ANK3: variants seen among roughly 807,000 people sequenced by gnomAD.
The protein encoded by ANK3 is ankyrin 3, also known as ankyrin-3.
Under a neutral mutation model 370.9 loss-of-function variants are expected in ANK3, and 57 were observed. The observed-to-expected ratio is 0.15, with a 90% confidence interval of 0.12 to 0.19. The LOEUF (loss-of-function observed/expected upper bound fraction) is 0.19. ANK3 is among the 10% of genes least tolerant of loss of function. The pLI, the probability that ANK3 is intolerant of heterozygous loss-of-function variation, is 1.00. For synonymous variants in ANK3, 1,929 were observed against 1,946.3 expected (o/e 0.99, Z 0.23); for missense variants, 4,439 against 5,302.1 (o/e 0.84, Z 5.06).
At chr10:60,256,108 C>G (rs2097730931) in intron 7 of ANK3, among the ~76,000 whole-genome samples, 1 of 152,238 alleles carries the variant, frequency 6.6e-6, no homozygotes, top group Non-Finnish European at 1.5e-5. Flanking sequence ...TTTCTGCTTT[C>G]AACTCCTTTC....
chr10:60,231,550 T>G (rs2097246379), intron 8 of ANK3, among the ~76,000 whole-genome samples: 1 of 152,168 alleles, frequency 6.6e-6, no homozygotes, highest in Non-Finnish European at 1.5e-5. Context: ...AGTTAGAACT[T>G]GTTTTTGTGA....
chr10:60,102,300 T>TA (rs2091404164), intron 28 of ANK3, among the ~76,000 whole-genome samples: 1 of 151,900 alleles, frequency 6.6e-6, no homozygotes, highest in South Asian at 2.1e-4. Context: ...CTGCACAACT[T>TA]ACACGGCAGT....
chr10:60,088,872 TAC>T (rs2087409382), intron 28 of ANK3, among the ~76,000 whole-genome samples: 1 of 152,170 alleles, frequency 6.6e-6, no homozygotes, highest in Non-Finnish European at 1.5e-5. Context: ...AAAATATTTT[TAC>T]AGAGTGGGAA....
At chr10:60,627,172 T>C (rs1337177933) in intron 1 of ANK3, among the ~76,000 whole-genome samples, 1 of 151,532 alleles carries the variant, frequency 6.6e-6, no homozygotes, top group Non-Finnish European at 1.5e-5. Flanking sequence ...AGATTAGCTG[T>C]GATGTCCAAT....
intron 7 of ANK3, among the ~76,000 whole-genome samples, chr10:60,245,075 A>T (rs948917618): frequency 2.0e-5 from 3 of 152,168 alleles, no homozygotes; most frequent in Non-Finnish European, 4.4e-5. Context: ...AGGTTGAGGC[A>T]GGAGAATGGC....
At chr10:60,732,709 C>CA (rs1050681524) in intron 1 of ANK3, among the ~76,000 whole-genome samples, 3 of 151,748 alleles carry the variant, frequency 2.0e-5, no homozygotes, top group East Asian at 1.9e-4. Context: ...CAAACAACAA[C>CA]AAAAAAACGC....
intron 2 of ANK3, among the ~76,000 whole-genome samples, chr10:60,420,864 AAAG>A (rs1252205991): frequency 1.3e-5 from 2 of 152,146 alleles, no homozygotes; most frequent in African/African-American, 4.8e-5. Context: ...TATATATCCA[AAAG>A]AAGTAAAAAC....
At chr10:60,493,318 T>C (rs916759430) in intron 2 of ANK3, among the ~76,000 whole-genome samples, 2 of 151,888 alleles carry the variant, frequency 1.3e-5, no homozygotes, top group African/African-American at 4.8e-5. Flanking sequence ...AAATTGCACG[T>C]GGGGAGCAGC....
At chr10:60,659,946 A>C (rs1431885788) in intron 1 of ANK3, among the ~76,000 whole-genome samples, 7 of 152,150 alleles carry the variant, frequency 4.6e-5, no homozygotes, top group Non-Finnish European at 1.0e-4. Context: ...TTTCTACTCT[A>C]CTAATATGAT....
intron 7 of ANK3, among the ~76,000 whole-genome samples, chr10:60,245,977 C>T (rs956315974): frequency 3.3e-5 from 5 of 152,010 alleles, no homozygotes; most frequent in African/African-American, 9.7e-5. Flanking sequence ...ACCACTAGGC[C>T]GGGCATGGTG....
chr10:60,725,695 C>G (rs953780339), intron 1 of ANK3, among the ~76,000 whole-genome samples: 3 of 152,070 alleles, frequency 2.0e-5, no homozygotes, highest in African/African-American at 7.2e-5. Flanking sequence ...AAAGAAATAA[C>G]ATGAGAGTAC....
intron 4 of ANK3, among the ~76,000 whole-genome samples, chr10:60,277,556 C>T (rs1050205026): frequency 3.3e-5 from 5 of 152,074 alleles, no homozygotes; most frequent in Admixed American, 2.6e-4. Context: ...AAGTATTTGC[C>T]ATCCAAAGAT....
At chr10:60,412,699 A>C (rs527621478) in intron 2 of ANK3, among the ~76,000 whole-genome samples, 55 of 152,358 alleles carry the variant, frequency 3.6e-4, no homozygotes, top group African/African-American at 1.3e-3. Flanking sequence ...CTTAGAGCTG[A>C]GACTGTCTGT....
chr10:60,601,004 C>T (rs540561152), intron 2 of ANK3, among the ~76,000 whole-genome samples: 2 of 151,982 alleles, frequency 1.3e-5, no homozygotes, highest in Admixed American at 6.6e-5. Flanking sequence ...ACAGAGGTGT[C>T]CCCAAATAAG....
chr10:60,051,478 T>C, intron 42 of ANK3: 1 of 985,298 alleles, frequency 1.0e-6, no homozygotes, highest in Non-Finnish European at 1.2e-6. Context: ...AGGATACCTT[T>C]ATAATCAAAC....
chr10:60,414,841 C>T (rs1257183050), intron 2 of ANK3, among the ~76,000 whole-genome samples: 2 of 152,172 alleles, frequency 1.3e-5, no homozygotes, highest in African/African-American at 4.8e-5. Context: ...GTAGCCTTAG[C>T]GTTCTCACCT....
At chr10:60,033,578 A>ATACTT (rs1344176398) in intron 43 of ANK3, among the ~76,000 whole-genome samples, 2 of 151,028 alleles carry the variant, frequency 1.3e-5, no homozygotes, top group African/African-American at 2.4e-5. Context: ...ATGGCAGCTG[A>ATACTT]TACTTTACAG....
chr10:60,315,506 TA>T (rs1593569773), intron 1 of ANK3, among the ~76,000 whole-genome samples: 1 of 152,022 alleles, frequency 6.6e-6, no homozygotes, highest in Non-Finnish European at 1.5e-5. Flanking sequence ...AACTAAAAAG[TA>T]AAAACGGTCC....
chr10:60,684,694 A>G, intron 1 of ANK3: 1 of 1,587,930 alleles, frequency 6.3e-7, no homozygotes, highest in South Asian at 1.1e-5. Flanking sequence ...GGTAAACTTG[A>G]GAAATTCTAA....
Sources: allele counts gnomAD v4.1 joint callset (sites outside exome capture counted in the v4.1 genomes callset), GRCh38; gene constraint gnomAD v4.1.1; transcripts MANE v1.5; gene names NCBI Gene and HGNC (gene_info 2026-07-23, HGNC 2026-07-21).